Variants in MTMR3 observed in about 807,000 individuals in gnomAD.
MTMR3 encodes the protein phosphatidylinositol-3,5-bisphosphate 3-phosphatase MTMR3.
A neutral mutation model predicts 132.4 loss-of-function variants in MTMR3; 32 were observed. The ratio of observed to expected loss-of-function variants is 0.24; its 90% CI spans 0.18 to 0.32. The LOEUF is 0.32. MTMR3 is among the 10% of genes least tolerant of loss of function. MTMR3 has a pLI of 1.00. For synonymous variants in MTMR3, 556 were observed against 550.3 expected, an observed-to-expected ratio of 1.01 and a Z score of -0.14; for missense variants, 1,216 against 1,489.6, an observed-to-expected ratio of 0.82 and a Z score of 3.02.
Position 29,946,526 on chromosome 22 carries a change from A to G in MTMR3, c.-137-10510A>G, listed in dbSNP as rs145160899. 2.6e-3 allele frequency among the ~76,000 whole-genome samples: 393 copies of G among 152,308 alleles called. 1 individual carries two copies. The highest frequency in any genetic ancestry group is 9.0e-3 in the African/African-American group (376 of 41,574). On this transcript the variant is annotated intron_variant, in intron 1 of 19. Coordinates refer to ENST00000401950, the MANE Select transcript of MTMR3 (RefSeq NM_021090.4). ...GTTCATGAATGGTTTCAGACTGTTA[A>G]TGGATTAGAAAAATGTCTTATGAAG...
chr22:30,023,362 T>C, intron 19 of MTMR3: 1 of 1,240,072 alleles, frequency 8.1e-7, no homozygotes, highest in Non-Finnish European at 1.2e-6. Context: ...TGCCTAGTAA[T>C]GATGCTTCTA....
At chr22:29,999,885 G>C (rs1394968226) in intron 8 of MTMR3, 1 of 152,180 alleles carries the variant, frequency 6.6e-6, no homozygotes, top group African/African-American at 2.4e-5. Context: ...GGTGGTGCAT[G>C]CCTGTAGTCC....
chr22:29,931,103 T>C (rs2065634978), intron 1 of MTMR3, among the ~76,000 whole-genome samples: 2 of 152,158 alleles, frequency 1.3e-5, no homozygotes, highest in South Asian at 4.1e-4. Flanking sequence ...GAGAATTGTT[T>C]CTGAATTGAT....
intron 4 of MTMR3, 101 bp downstream of exon 4, chr22:29,978,632 T>A (rs997913): frequency 0.42 from 336,154 of 804,628 alleles, 73,991 homozygotes; most frequent in East Asian, 0.76. Flanking sequence ...TATATATATA[T>A]AACATACATG....
chr22:29,937,517 A>C (rs1200734616), intron 1 of MTMR3, among the ~76,000 whole-genome samples: 1 of 152,010 alleles, frequency 6.6e-6, no homozygotes, highest in South Asian at 2.1e-4. Flanking sequence ...CCTGGGGTTA[A>C]GTGATCCTCC....
chr22:29,951,997 C>T lies in MTMR3; in HGVS notation c.-137-5039C>T, dbSNP rs554221771. On this transcript the variant is annotated intron_variant, in intron 1 of 19. Transcript: ENST00000401950. ...CTCTGCCTCCTGGGCTGAAGTAATCCGCCCACCTCAGCCTCCTAGTAGCTG... is the reference window on the plus strand; with the variant it reads ...CTCTGCCTCCTGGGCTGAAGTAATCTGCCCACCTCAGCCTCCTAGTAGCTG... Among the ~76,000 whole-genome samples the T allele has an allele frequency of 1.3e-3, 196 of 149,938 alleles. 1 individual carries two copies. Among genetic ancestry groups the T allele is most frequent in the African/African-American group, 4.6e-3 (189 of 40,892 alleles).
intron 7 of MTMR3, chr22:29,993,800 C>T (rs1265470562): frequency 1.3e-5 from 2 of 152,208 alleles, no homozygotes; most frequent in African/African-American, 4.8e-5. Context: ...CCTTCCCCTT[C>T]CTGATGATAT....
chr22:29,886,093 A>G (rs534112060), intron 1 of MTMR3, among the ~76,000 whole-genome samples: 1 of 152,314 alleles, frequency 6.6e-6, no homozygotes, highest in Non-Finnish European at 1.5e-5. Context: ...CTGTGCCCTC[A>G]GATATTTTTT....
At chr22:29,975,368 T>C (rs1309110655) in intron 3 of MTMR3, among the ~76,000 whole-genome samples, 3 of 152,228 alleles carry the variant, frequency 2.0e-5, no homozygotes, top group African/African-American at 7.2e-5. Flanking sequence ...AAGATAGTTT[T>C]AGTGTTAACA....
intron 1 of MTMR3, among the ~76,000 whole-genome samples, chr22:29,949,652 A>G (rs1041729686): frequency 3.9e-5 from 6 of 152,160 alleles, no homozygotes; most frequent in African/African-American, 1.4e-4. Context: ...CTTATTAAAA[A>G]AAAACTTTTT....
At chr22:30,023,577 A>G in intron 19 of MTMR3, 12 of 1,493,222 alleles carry the variant, frequency 8.0e-6, no homozygotes, top group Non-Finnish European at 1.1e-5. Flanking sequence ...TGCACTTACT[A>G]GGGTGAAGCC....
intron 3 of MTMR3, 32 bp downstream of exon 3, chr22:29,971,094 AAC>A: frequency 6.3e-7 from 1 of 1,584,020 alleles, no homozygotes; most frequent in African/African-American, 1.4e-5. Flanking sequence ...TAAAAAAAAA[AAC>A]AAAAAACCCT....
Position 30,020,135 on chromosome 22 carries a change from T to C in MTMR3, c.2476T>C (p.Cys826Arg). 1 of 1,614,232 alleles carries C rather than the reference T, an allele frequency of 6.2e-7. No homozygotes were observed. The highest frequency in any genetic ancestry group is 8.5e-7 in the Non-Finnish European group (1 of 1,180,032). ...AKVGYGTSQS[C>R]SLLPSQVPFE... Reference sequence around the variant, plus strand: ...AGTTGGCTATGGTACCTCACAGTCATGTTCTCTGCTACCTTCCCAAGTCCC... The same window carrying C: ...AGTTGGCTATGGTACCTCACAGTCACGTTCTCTGCTACCTTCCCAAGTCCC... The change falls in exon 17 of 20, where the codon TGT (cysteine) becomes CGT (arginine). Residue 826 changes from cysteine to arginine, a missense_variant. Cys to Arg is a radical substitution (Grantham distance 180). Transcript: ENST00000401950.
chr22:29,945,257 GC>G lies in MTMR3; in HGVS notation c.-137-11776del, dbSNP rs943495235. ...TAGGCTCCAGCAGTTCTCCTGCCTC[GC>G]CCTCTTAAAGTGGTGGAATTACAGT... is the stretch of plus-strand genomic sequence containing the variant. On this transcript the variant is annotated intron_variant, in intron 1 of 19. Coordinates refer to ENST00000401950, the MANE Select transcript of MTMR3 (RefSeq NM_021090.4). Among the ~76,000 whole-genome samples the G allele has an allele frequency of 9.9e-4, 151 of 152,176 alleles. 1 individual carries two copies. Among genetic ancestry groups the G allele is most frequent in the African/African-American group, 3.5e-3 (147 of 41,524 alleles).
intron 1 of MTMR3, among the ~76,000 whole-genome samples, chr22:29,950,596 G>A (rs768460748): frequency 3.9e-5 from 6 of 151,952 alleles, no homozygotes; most frequent in African/African-American, 1.2e-4. Flanking sequence ...ACTCCTCACC[G>A]CGTGATCTGC....
chr22:29,941,992 AAAAAC>A (rs1269885948), intron 1 of MTMR3, among the ~76,000 whole-genome samples: 2 of 152,080 alleles, frequency 1.3e-5, no homozygotes, highest in African/African-American at 4.8e-5. Flanking sequence ...CTTAAAAAGA[AAAAAC>A]AAAAACAAAA....
intron 5 of MTMR3, chr22:29,984,634 C>T (rs527628890): frequency 6.6e-6 from 1 of 152,216 alleles, no homozygotes; most frequent in South Asian, 2.1e-4. Flanking sequence ...ATTGCGTTAC[C>T]TGGCAGGTGG....
chr22:29,923,095 G>A (rs1015107348), intron 1 of MTMR3, among the ~76,000 whole-genome samples: 29 of 149,018 alleles, frequency 1.9e-4, no homozygotes, highest in Non-Finnish European at 4.0e-4. Context: ...AGGCTGGGGT[G>A]CAGTGGCGCC....
At chr22:29,943,891 T>G (rs1453347621) in intron 1 of MTMR3, among the ~76,000 whole-genome samples, 1 of 151,752 alleles carries the variant, frequency 6.6e-6, no homozygotes, top group African/African-American at 2.4e-5. Context: ...TAGCACGATC[T>G]TGGCTCATTG....
Sources: allele counts gnomAD v4.1 joint callset (sites outside exome capture counted in the v4.1 genomes callset), GRCh38; gene constraint gnomAD v4.1.1; transcripts MANE v1.5; gene names NCBI Gene and HGNC (gene_info 2026-07-23, HGNC 2026-07-21).